The following TCF12 variants were observed in gnomAD, a reference collection of about 807,000 sequenced individuals.
The protein encoded by TCF12 is transcription factor 12.
Under a neutral mutation model 86.0 loss-of-function variants are expected in TCF12, and 45 were observed. The ratio of observed to expected loss-of-function variants is 0.52; its 90% CI spans 0.41 to 0.67. The LOEUF (loss-of-function observed/expected upper bound fraction) is 0.67. TCF12 is among the 30% of genes least tolerant of loss of function. The probability of loss-of-function intolerance (pLI) is 0.00; values close to 1 mark genes in which losing one functional copy is unlikely to be tolerated. For synonymous variants in TCF12, 330 were observed against 299.6 expected (o/e 1.10, Z -1.05); for missense variants, 881 against 859.9 (o/e 1.02, Z -0.31).
intron 4 of TCF12, among the ~76,000 whole-genome samples, chr15:57,082,279 G>C (rs1275576071): frequency 2.0e-5 from 3 of 152,184 alleles, no homozygotes; most frequent in African/African-American, 7.2e-5. Context: ...GTCAGCAGCA[G>C]CCAGTCTTGT....
At chr15:57,077,695 G>T (rs1200529127) in intron 4 of TCF12, among the ~76,000 whole-genome samples, 1 of 149,412 alleles carries the variant, frequency 6.7e-6, no homozygotes, top group East Asian at 2.0e-4. Context: ...GCTTCCCAAA[G>T]TGCTAGGTTC....
At chr15:56,954,225 A>C (rs1165294685) in intron 3 of TCF12, among the ~76,000 whole-genome samples, 6 of 152,052 alleles carry the variant, frequency 3.9e-5, no homozygotes, top group Non-Finnish European at 7.4e-5. Context: ...CTTTCTAGAG[A>C]TATTTCTCTT....
chr15:57,177,648 G>T (rs2056043221), intron 6 of TCF12, among the ~76,000 whole-genome samples: 1 of 150,164 alleles, frequency 6.7e-6, no homozygotes. Flanking sequence ...GTTGGATTAG[G>T]CAGGGCCTAC....
At chr15:57,094,439 C>A (rs1216798814) in intron 5 of TCF12, among the ~76,000 whole-genome samples, 1 of 152,156 alleles carries the variant, frequency 6.6e-6, no homozygotes, top group South Asian at 2.1e-4. Context: ...TCTTAAATCA[C>A]AATGCAGTTC....
At chr15:56,925,359 A>G (rs2059963764) in intron 3 of TCF12, among the ~76,000 whole-genome samples, 1 of 151,080 alleles carries the variant, frequency 6.6e-6, no homozygotes, top group Non-Finnish European at 1.5e-5. Context: ...GCATACCTAC[A>G]ATTACTGTTT....
At chr15:56,941,113 C>G (rs1674193095) in intron 3 of TCF12, among the ~76,000 whole-genome samples, 1 of 145,328 alleles carries the variant, frequency 6.9e-6, no homozygotes, top group South Asian at 2.2e-4. Flanking sequence ...ACATATAATC[C>G]CAGCACTTTG....
chr15:57,120,572 T>G (rs2051160842), intron 5 of TCF12, among the ~76,000 whole-genome samples: 1 of 152,236 alleles, frequency 6.6e-6, no homozygotes, highest in Non-Finnish European at 1.5e-5. Flanking sequence ...TCCTGTTAGG[T>G]TGCCAGCTTC....
At chr15:57,195,130 T>A (rs2057189428) in intron 7 of TCF12, among the ~76,000 whole-genome samples, 1 of 152,308 alleles carries the variant, frequency 6.6e-6, no homozygotes, top group African/African-American at 2.4e-5. Context: ...CTCGAACTCC[T>A]GACCTCAAGT....
At chr15:57,135,972 T>C (rs540615483) in intron 5 of TCF12, among the ~76,000 whole-genome samples, 55 of 152,108 alleles carry the variant, frequency 3.6e-4, no homozygotes, top group African/African-American at 1.2e-3. Context: ...TAAAAAAAAC[T>C]AGCTGACTTG....
intron 5 of TCF12, among the ~76,000 whole-genome samples, chr15:57,157,210 A>G (rs772704364): frequency 1.3e-5 from 2 of 152,190 alleles, no homozygotes; most frequent in Non-Finnish European, 2.9e-5. Flanking sequence ...GTTTTTTAAG[A>G]ATGAGATAAA....
intron 3 of TCF12, among the ~76,000 whole-genome samples, chr15:56,951,364 A>T (rs555148738): frequency 6.6e-6 from 1 of 152,228 alleles, no homozygotes; most frequent in South Asian, 2.1e-4. Context: ...AAATATCTTC[A>T]TATCTGTTGT....
At chr15:57,037,877 A>G (rs760722428) in intron 3 of TCF12, among the ~76,000 whole-genome samples, 1 of 152,234 alleles carries the variant, frequency 6.6e-6, no homozygotes, top group Non-Finnish European at 1.5e-5. Flanking sequence ...GTGCTAAAAC[A>G]CATACGTTTA....
At chr15:57,164,492 A>G (rs547738324) in intron 5 of TCF12, among the ~76,000 whole-genome samples, 190 of 152,144 alleles carry the variant, frequency 1.2e-3, no homozygotes, top group African/African-American at 4.5e-3. Flanking sequence ...TAAAATCATC[A>G]GATCTTGTGA....
At chr15:57,049,632 G>T (rs2141554964) in intron 3 of TCF12, among the ~76,000 whole-genome samples, 1 of 152,262 alleles carries the variant, frequency 6.6e-6, no homozygotes, top group South Asian at 2.1e-4. Context: ...CATTAGGGCT[G>T]TTTCAAGTTT....
intron 5 of TCF12, among the ~76,000 whole-genome samples, chr15:57,151,116 T>C (rs1213688094): frequency 2.6e-5 from 4 of 151,068 alleles, no homozygotes; most frequent in African/African-American, 7.3e-5. Flanking sequence ...TAGCTAGGAC[T>C]GCAAGGATGC....
intron 3 of TCF12, among the ~76,000 whole-genome samples, chr15:56,993,850 T>C (rs943587190): frequency 6.6e-6 from 1 of 152,232 alleles, no homozygotes; most frequent in Non-Finnish European, 1.5e-5. Context: ...ATTCCCAGGT[T>C]ATAATCCAAA....
Position 57,286,370 on chromosome 15 carries a change from C to A in TCF12, c.*225C>A. The A allele has an allele frequency of 3.9e-6, 1 of 258,086 alleles. No homozygotes were observed. Among genetic ancestry groups the A allele is most frequent in the Non-Finnish European group, 7.7e-6 (1 of 129,214 alleles). The allele number at this position is 258,086 out of a possible 1,614,324, so 16.0% of individuals were successfully genotyped here. On this transcript the variant is annotated 3_prime_UTR_variant, in exon 21 of 21. Coordinates refer to ENST00000333725, the MANE Select transcript of TCF12 (RefSeq NM_207037.2). Reference sequence around the variant, plus strand: ...AAGCTCATCAGATAGAACATCAGCCCATGAGATGTTTGCAACAAATCTTTT... The same window carrying A: ...AAGCTCATCAGATAGAACATCAGCCAATGAGATGTTTGCAACAAATCTTTT...
At position 57,273,266 on chromosome 15, in the gene TCF12, A is replaced by T. The variant is rs774274078; in HGVS notation, c.1978+4A>T. ...AGTCTAGAACAGCAAGTCAGAGGTA[A>T]GTAGGTTCAGCCGAGATGTATAACT... On this transcript the variant is annotated splice_donor_region_variant and intron_variant, in intron 19 of 20. Transcript: ENST00000333725. 2 of 1,613,892 alleles carry T rather than the reference A, an allele frequency of 1.2e-6. No individual in the cohort carries two copies. The highest frequency in any genetic ancestry group is 2.2e-5 in the South Asian group (2 of 91,064).
intron 3 of TCF12, among the ~76,000 whole-genome samples, chr15:56,945,454 T>C (rs1392881640): frequency 6.6e-6 from 1 of 152,096 alleles, no homozygotes; most frequent in Non-Finnish European, 1.5e-5. Flanking sequence ...TAAATTCTCT[T>C]TATTTTTGCT....
Sources: gnomAD v4.1 joint callset for allele counts (sites outside exome capture counted in the v4.1 genomes callset) on GRCh38, gnomAD v4.1.1 for gene constraint, MANE v1.5 for transcripts, NCBI Gene and HGNC (gene_info 2026-07-23, HGNC 2026-07-21) for gene names.